Variants in SHISA9 observed in about 807,000 individuals in gnomAD.
The protein encoded by SHISA9 is shisa family member 9, also known as protein shisa-9.
Under a neutral mutation model 38.0 loss-of-function variants are expected in SHISA9, and 13 were observed. The ratio of observed to expected loss-of-function variants is 0.34; its 90% CI spans 0.22 to 0.54. The LOEUF is 0.54. Ranked by LOEUF, SHISA9 falls within the 20% of genes least tolerant of loss-of-function variation. SHISA9 has a pLI of 0.91. For missense variants in SHISA9, 538 were observed against 575.8 expected, an observed-to-expected ratio of 0.93 and a Z score of 0.67; for synonymous variants, 275 against 242.0, an observed-to-expected ratio of 1.14 and a Z score of -1.27.
At chr16:13,299,710 C>A in the SHISA9 span, among the ~76,000 whole-genome samples, 391 of 117,722 alleles carry the variant, frequency 3.3e-3, 1 homozygote, top group African/African-American at 3.9e-3. Context: ...GAGCCTCTGT[C>A]AAAAAAAAAA....
chr16:13,343,911 C>T, the SHISA9 span, among the ~76,000 whole-genome samples: 1 of 152,214 alleles, frequency 6.6e-6, no homozygotes, highest in South Asian at 2.1e-4. Flanking sequence ...TTCAGAAAAA[C>T]ACGGTGGATT....
the SHISA9 span, among the ~76,000 whole-genome samples, chr16:13,324,227 G>A: frequency 6.6e-6 from 1 of 152,162 alleles, no homozygotes; most frequent in East Asian, 1.9e-4. Context: ...CCAGCCTCAG[G>A]TATTCCTTTA....
At chr16:13,264,570 C>T in the SHISA9 span, among the ~76,000 whole-genome samples, 61 of 152,208 alleles carry the variant, frequency 4.0e-4, no homozygotes, top group African/African-American at 1.4e-3. Context: ...ACATTTTGCG[C>T]TTCAAAGGTT....
intron 2 of SHISA9, among the ~76,000 whole-genome samples, chr16:13,162,942 TTA>T (rs2050608235): frequency 2.0e-5 from 3 of 152,216 alleles, no homozygotes; most frequent in Non-Finnish European, 4.4e-5. Flanking sequence ...GTCCTAATTC[TTA>T]AGCTAAATGT....
chr16:13,151,117 T>A (rs2050495298), intron 2 of SHISA9, among the ~76,000 whole-genome samples: 1 of 152,162 alleles, frequency 6.6e-6, no homozygotes, highest in African/African-American at 2.4e-5. Flanking sequence ...TTATTTTTAT[T>A]TTTATTTTAG....
chr16:13,420,466 C>A, the SHISA9 span, among the ~76,000 whole-genome samples: 1 of 151,822 alleles, frequency 6.6e-6, no homozygotes, highest in Non-Finnish European at 1.5e-5. Context: ...GATGAAGAAA[C>A]CAGAAATGTC....
chr16:13,489,656 T>C, the SHISA9 span, among the ~76,000 whole-genome samples: 1 of 152,198 alleles, frequency 6.6e-6, no homozygotes, highest in African/African-American at 2.4e-5. Flanking sequence ...TCCACCATGA[T>C]TGTGAGACAT....
At chr16:13,435,540 A>G in the SHISA9 span, among the ~76,000 whole-genome samples, 3 of 152,218 alleles carry the variant, frequency 2.0e-5, no homozygotes, top group Admixed American at 1.3e-4. Flanking sequence ...GCACTTTTCA[A>G]TGAGTCAGCT....
the SHISA9 span, among the ~76,000 whole-genome samples, chr16:13,295,243 C>T: frequency 6.6e-6 from 1 of 152,044 alleles, no homozygotes; most frequent in African/African-American, 2.4e-5. Flanking sequence ...ATTTTGTAGA[C>T]AAAGGAAAAT....
chr16:13,312,784 T>C, the SHISA9 span, among the ~76,000 whole-genome samples: 2 of 152,178 alleles, frequency 1.3e-5, no homozygotes, highest in African/African-American at 4.8e-5. Flanking sequence ...AATGTAAATT[T>C]TTTTTACTAG....
chr16:13,037,131 C>CAG (rs1567190878), intron 2 of SHISA9, among the ~76,000 whole-genome samples: 1,899 of 148,040 alleles, frequency 0.013, 35 homozygotes, highest in South Asian at 0.02. Flanking sequence ...CACACACACA[C>CAG]ACACACACAC....
At chr16:13,248,911 T>C in the SHISA9 span, among the ~76,000 whole-genome samples, 3 of 152,182 alleles carry the variant, frequency 2.0e-5, no homozygotes, top group African/African-American at 7.2e-5. Flanking sequence ...CTTATGTGCA[T>C]TACTCTAGAA....
the SHISA9 span, among the ~76,000 whole-genome samples, chr16:13,332,840 A>G: frequency 6.6e-6 from 1 of 152,184 alleles, no homozygotes; most frequent in Admixed American, 6.5e-5. Context: ...GATGTTACTC[A>G]TGCCTTCTCC....
At chr16:13,330,059 G>A in the SHISA9 span, among the ~76,000 whole-genome samples, 1 of 152,216 alleles carries the variant, frequency 6.6e-6, no homozygotes. Flanking sequence ...GCAGCACAGT[G>A]TCCATCTCAG....
At chr16:13,323,263 T>A in the SHISA9 span, among the ~76,000 whole-genome samples, 1 of 152,308 alleles carries the variant, frequency 6.6e-6, no homozygotes, top group South Asian at 2.1e-4. Flanking sequence ...TAATGAAATA[T>A]TGTGCTTGGT....
the SHISA9 span, among the ~76,000 whole-genome samples, chr16:13,393,156 G>T: frequency 6.6e-6 from 1 of 152,174 alleles, no homozygotes. Context: ...ACAGATGTTT[G>T]CTCCTGATAC....
At chr16:13,141,105 A>G (rs2050398075) in intron 2 of SHISA9, among the ~76,000 whole-genome samples, 1 of 152,176 alleles carries the variant, frequency 6.6e-6, no homozygotes, top group Non-Finnish European at 1.5e-5. Flanking sequence ...TTTAGAGGAC[A>G]AAGAAAAATT....
At chr16:12,945,789 C>T (rs36003628) in intron 2 of SHISA9, among the ~76,000 whole-genome samples, 27,278 of 152,144 alleles carry the variant, frequency 0.18, 3,205 homozygotes, top group Middle Eastern at 0.32. Context: ...TATACATACA[C>T]ATCTCCTTTT....
At chr16:13,377,119 G>A in the SHISA9 span, among the ~76,000 whole-genome samples, 1 of 152,234 alleles carries the variant, frequency 6.6e-6, no homozygotes, top group African/African-American at 2.4e-5. Flanking sequence ...AGGGCACACT[G>A]CATACCAGTG....
Sources: allele counts gnomAD v4.1 joint callset (sites outside exome capture counted in the v4.1 genomes callset), GRCh38; gene constraint gnomAD v4.1.1; transcripts MANE v1.5; gene names NCBI Gene and HGNC (gene_info 2026-07-23, HGNC 2026-07-21).